EHBP1: variants seen among roughly 807,000 people sequenced by gnomAD.
EHBP1 encodes EH domain-binding protein 1.
Under a neutral mutation model 144.0 loss-of-function variants are expected in EHBP1, and 55 were observed. The observed-to-expected ratio is 0.38, with a 90% confidence interval of 0.31 to 0.48. The LOEUF (loss-of-function observed/expected upper bound fraction) is 0.48. Among genes scored for constraint, EHBP1 ranks in the 20% least tolerant of loss-of-function variants. EHBP1 has a pLI of 0.98. For missense variants in EHBP1, 1,200 were observed against 1,364.2 expected (o/e 0.88, Z 1.90); for synonymous variants, 469 against 472.7 (o/e 0.99, Z 0.10).
At chr2:62,840,379 A>G (rs1217888128) in intron 7 of EHBP1, among the ~76,000 whole-genome samples, 1 of 130,254 alleles carries the variant, frequency 7.7e-6, no homozygotes, top group Non-Finnish European at 1.7e-5. Context: ...CTAAAACCAT[A>G]AAAACCCTAG....
At chr2:62,945,112 C>T (rs1006079693) in intron 12 of EHBP1, among the ~76,000 whole-genome samples, 7 of 152,248 alleles carry the variant, frequency 4.6e-5, no homozygotes, top group African/African-American at 1.7e-4. Flanking sequence ...CAGATATTTT[C>T]GATATTTTCA....
intron 2 of EHBP1, among the ~76,000 whole-genome samples, chr2:62,732,123 G>A (rs1359990517): frequency 6.6e-6 from 1 of 152,016 alleles, no homozygotes; most frequent in Non-Finnish European, 1.5e-5. Context: ...TGCTTTATAG[G>A]TACGGTGTTT....
Position 62,827,911 on chromosome 2 carries a change from C to T in EHBP1, c.494+1643C>T, listed in dbSNP as rs560290977. Among the ~76,000 whole-genome samples the T allele has an allele frequency of 1.9e-4, 29 of 152,162 alleles. No homozygotes were observed. In the South Asian group the frequency reaches 3.9e-3, roughly 21 times the overall value. On this transcript the variant is annotated intron_variant, in intron 6 of 22. Transcript: ENST00000431489. ...CTTCAACTATTGACCTCAAGTGATCCGCCCACCTCGGCCTCCCAAAGTGCT... is the reference window on the plus strand; with the variant it reads ...CTTCAACTATTGACCTCAAGTGATCTGCCCACCTCGGCCTCCCAAAGTGCT...
chr2:62,684,241 T>C (rs766064953), intron 1 of EHBP1, among the ~76,000 whole-genome samples: 2 of 150,218 alleles, frequency 1.3e-5, no homozygotes, highest in African/African-American at 4.9e-5. Context: ...ATCCTTCACA[T>C]AGCAATGGGG....
chr2:62,792,320 G>A (rs1364143146), intron 5 of EHBP1, among the ~76,000 whole-genome samples: 1 of 152,020 alleles, frequency 6.6e-6, no homozygotes, highest in Non-Finnish European at 1.5e-5. Flanking sequence ...ATATATTAGT[G>A]CCTTTCTTTT....
chr2:62,808,455 T>C (rs1469853758), intron 5 of EHBP1, among the ~76,000 whole-genome samples: 1 of 152,192 alleles, frequency 6.6e-6, no homozygotes, highest in Non-Finnish European at 1.5e-5. Flanking sequence ...AGTGTTTTTA[T>C]GGTGTTTTTG....
intron 19 of EHBP1, among the ~76,000 whole-genome samples, chr2:63,003,040 G>C (rs1188480618): frequency 6.6e-6 from 1 of 151,662 alleles, no homozygotes; most frequent in East Asian, 1.9e-4. Flanking sequence ...TTACGAATTT[G>C]GTCCATATGA....
chr2:62,983,063 G>C (rs944445398), intron 15 of EHBP1, among the ~76,000 whole-genome samples: 1 of 152,046 alleles, frequency 6.6e-6, no homozygotes, highest in African/African-American at 2.4e-5. Flanking sequence ...ACATACTTGT[G>C]GGGCTTATGA....
At chr2:62,701,473 C>G (rs2034279866), upstream of EHBP1, among the ~76,000 whole-genome samples, 1 of 152,120 alleles carries the variant, frequency 6.6e-6, no homozygotes, top group African/African-American at 2.4e-5. Flanking sequence ...TAACAGGATT[C>G]CATTTCATTA....
chr2:62,905,103 G>A, intron 10 of EHBP1, among the ~76,000 whole-genome samples: 1 of 152,274 alleles, frequency 6.6e-6, no homozygotes, highest in East Asian at 1.9e-4. Context: ...TGGTGTCAAG[G>A]CATGAACTGG....
At chr2:62,807,338 G>A (rs1294036553) in intron 5 of EHBP1, among the ~76,000 whole-genome samples, 1 of 152,036 alleles carries the variant, frequency 6.6e-6, no homozygotes, top group Non-Finnish European at 1.5e-5. Context: ...ACCTGAGGTC[G>A]GGAGTTCAAG....
At position 62,874,365 on chromosome 2, in the gene EHBP1, C is replaced by T; in HGVS notation, c.1018C>T (p.Pro340Ser). Reference protein sequence around the residue: ...ELDESNPFYEPKSTPPPNNLV... With the variant: ...ELDESNPFYESKSTPPPNNLV... ...ACTTAGATCAAATCCTTTTTATGAA[C>T]CTAAATCAACTCCTCCTCCAAATAA... is the stretch of plus-strand genomic sequence containing the variant. The change falls in exon 10 of 23, where the codon CCT (proline) becomes TCT (serine). Residue 340 changes from proline (P) to serine (S), a missense_variant. Around this residue, in one of 6 missense-constraint regions of EHBP1, gnomAD observed 266 missense variants for 262.4 expected, o/e 1.01. Transcript: ENST00000431489. The T allele has an allele frequency of 6.3e-7, 1 of 1,597,772 alleles. No homozygotes were observed. Among genetic ancestry groups the T allele is most frequent in the Non-Finnish European group, 8.5e-7 (1 of 1,172,854 alleles).
At chr2:62,760,418 T>C (rs2040674784) in intron 3 of EHBP1, among the ~76,000 whole-genome samples, 1 of 152,222 alleles carries the variant, frequency 6.6e-6, no homozygotes, top group Non-Finnish European at 1.5e-5. Context: ...AGCAGTGTAC[T>C]AGCAACTTAG....
chr2:63,027,867 G>T (rs981281557), intron 19 of EHBP1, among the ~76,000 whole-genome samples: 1 of 152,180 alleles, frequency 6.6e-6, no homozygotes, highest in Non-Finnish European at 1.5e-5. Flanking sequence ...ATTTCAGTTC[G>T]ATAGGAGGAA....
chr2:62,812,680 A>C (rs1240940099), intron 5 of EHBP1, among the ~76,000 whole-genome samples: 2 of 152,164 alleles, frequency 1.3e-5, no homozygotes, highest in Admixed American at 6.5e-5. Flanking sequence ...TCTATGTCCA[A>C]GGGCTTTATG....
intron 19 of EHBP1, among the ~76,000 whole-genome samples, chr2:63,000,971 A>G (rs946459514): frequency 2.0e-5 from 3 of 152,214 alleles, no homozygotes; most frequent in Non-Finnish European, 4.4e-5. Context: ...CTTCTTATGT[A>G]AGTTTAGTGC....
chr2:62,758,030 T>A (rs2040456783), intron 3 of EHBP1, among the ~76,000 whole-genome samples: 1 of 150,870 alleles, frequency 6.6e-6, no homozygotes, highest in African/African-American at 2.5e-5. Context: ...AAAAAAAAAA[T>A]TTACTTCTCA....
At chr2:62,914,433 T>C (rs1448308630) in intron 10 of EHBP1, among the ~76,000 whole-genome samples, 1 of 152,136 alleles carries the variant, frequency 6.6e-6, no homozygotes, top group South Asian at 2.1e-4. Context: ...TCTAATTTTT[T>C]CTTCAAAAAT....
intron 10 of EHBP1, among the ~76,000 whole-genome samples, chr2:62,889,959 AT>A (rs1161025322): frequency 0.013 from 1,715 of 129,420 alleles, 17 homozygotes; most frequent in African/African-American, 0.026. Flanking sequence ...TTCCATATGA[AT>A]TTTTTTTTTT....
Sources: gnomAD v4.1 joint callset for allele counts (sites outside exome capture counted in the v4.1 genomes callset) on GRCh38, gnomAD v4.1.1 for gene constraint, gnomAD v4.1.1 regional missense constraint, MANE v1.5 for transcripts, NCBI Gene and HGNC (gene_info 2026-07-23, HGNC 2026-07-21) for gene names.